The following ROBO2 variants were observed in gnomAD, a reference collection of about 807,000 sequenced individuals.
The protein encoded by ROBO2 is roundabout guidance receptor 2.
A neutral mutation model predicts 160.8 loss-of-function variants in ROBO2; 53 were observed. The ratio of observed to expected loss-of-function variants is 0.33; its 90% confidence interval spans 0.26 to 0.41. ROBO2 has a LOEUF of 0.41. ROBO2 is among the 10% of genes least tolerant of loss of function. The pLI is 1.00. For missense variants in ROBO2, 1,577 were observed against 1,722.4 expected (o/e 0.92, Z 1.49); for synonymous variants, 664 against 611.7 (o/e 1.09, Z -1.26).
chr3:77,561,500 A>G (rs1478649709), intron 9 of ROBO2, among the ~76,000 whole-genome samples: 1 of 152,172 alleles, frequency 6.6e-6, no homozygotes, highest in Non-Finnish European at 1.5e-5. Context: ...ATATAATCAC[A>G]GAATCTTCTG....
intron 2 of ROBO2, among the ~76,000 whole-genome samples, chr3:76,536,427 C>G (rs2082505116): frequency 6.6e-6 from 1 of 152,126 alleles, no homozygotes; most frequent in Admixed American, 6.5e-5. Context: ...GGGTTTAGGG[C>G]TGAAAAGTGT....
At chr3:76,194,139 C>G (rs556821599) in intron 2 of ROBO2, among the ~76,000 whole-genome samples, 3 of 151,660 alleles carry the variant, frequency 2.0e-5, no homozygotes, top group African/African-American at 7.2e-5. Flanking sequence ...TTTAATTCTA[C>G]ATTTATTTTA....
intron 2 of ROBO2, among the ~76,000 whole-genome samples, chr3:77,200,306 TATATATATATATA>T (rs2082760342): frequency 2.4e-5 from 2 of 84,476 alleles, no homozygotes; most frequent in Non-Finnish European, 2.2e-5. Flanking sequence ...TATATATATA[TATATATATATATA>T]TATTTTAGTT....
intron 2 of ROBO2, among the ~76,000 whole-genome samples, chr3:77,031,393 T>C (rs1322933263): frequency 6.7e-6 from 1 of 149,980 alleles, no homozygotes; most frequent in African/African-American, 2.4e-5. Flanking sequence ...TCCTTTTTTA[T>C]ATATAATTAC....
intron 2 of ROBO2, among the ~76,000 whole-genome samples, chr3:77,330,691 A>G (rs984360291): frequency 2.6e-5 from 4 of 152,176 alleles, no homozygotes; most frequent in African/African-American, 4.8e-5. Context: ...GGACAACTCA[A>G]GAAAGAAAAC....
intron 2 of ROBO2, among the ~76,000 whole-genome samples, chr3:76,944,194 AAAC>A (rs1314195720): frequency 6.6e-6 from 1 of 152,190 alleles, no homozygotes; most frequent in Non-Finnish European, 1.5e-5. Flanking sequence ...TCATTGAAAA[AAAC>A]AACACTTTTT....
rs1019162783 is a variant in ROBO2 at position 76,036,236 on chromosome 3, G to A, written c.109+98634G>A. Among the ~76,000 whole-genome samples the A allele has an allele frequency of 6.3e-4, 96 of 151,910 alleles. 1 individual carries two copies. The highest frequency in any genetic ancestry group is 2.2e-3 in the African/African-American group (89 of 41,312). ...GTGATCTCAGCTCACTGCAACCGCC[G>A]CCTCCCGGGTTCAAGTGATTCTCCT... On this transcript the variant is annotated intron_variant, in intron 2 of 26. Transcript: ENST00000487694.
rs533495661 is a variant in ROBO2 at position 76,926,939 on chromosome 3, G to GA, written c.110-171068dup. Among the ~76,000 whole-genome samples the GA allele has an allele frequency of 3.1e-4, 47 of 151,296 alleles. 1 individual carries two copies. The highest frequency in any genetic ancestry group is 1.2e-3 in the East Asian group (6 of 5,160). On this transcript the variant is annotated intron_variant, in intron 2 of 26. Transcript: ENST00000487694. ...CAAAGCCTAGCAGCAAATAATGGTG[G>GA]AAAAAAATTGTTTGTTATCCTAAAT...
At chr3:77,155,807 C>G (rs774981285) in intron 2 of ROBO2, among the ~76,000 whole-genome samples, 3 of 152,028 alleles carry the variant, frequency 2.0e-5, no homozygotes, top group Non-Finnish European at 4.4e-5. Flanking sequence ...CACTTCATGT[C>G]GTTAACTATT....
intron 2 of ROBO2, among the ~76,000 whole-genome samples, chr3:76,921,319 A>G (rs559401305): frequency 2.0e-5 from 3 of 152,218 alleles, no homozygotes; most frequent in South Asian, 2.1e-4. Context: ...ATTATAAGGT[A>G]TCTAATTTTT....
chr3:76,389,556 T>C (rs367939930), intron 2 of ROBO2, among the ~76,000 whole-genome samples: 1 of 152,216 alleles, frequency 6.6e-6, no homozygotes, highest in South Asian at 2.1e-4. Context: ...GCATGTGCAC[T>C]CTTCAGCCTA....
At chr3:77,497,672 G>A (rs966699945) in intron 5 of ROBO2, among the ~76,000 whole-genome samples, 18 of 152,000 alleles carry the variant, frequency 1.2e-4, no homozygotes, top group African/African-American at 3.9e-4. Flanking sequence ...TATTAGTACT[G>A]TCTTGATAGA....
intron 2 of ROBO2, among the ~76,000 whole-genome samples, chr3:76,768,255 C>T (rs995510829): frequency 2.0e-5 from 3 of 151,284 alleles, no homozygotes; most frequent in African/African-American, 7.3e-5. Flanking sequence ...ACACAGTGCA[C>T]ACTTCTTTAC....
chr3:76,568,211 C>T (rs1203644759), intron 2 of ROBO2, among the ~76,000 whole-genome samples: 2 of 151,980 alleles, frequency 1.3e-5, no homozygotes, highest in East Asian at 1.9e-4. Flanking sequence ...TCACTTTCAT[C>T]GACATCTATT....
chr3:76,279,766 C>A (rs1205732543), intron 2 of ROBO2, among the ~76,000 whole-genome samples: 3 of 151,852 alleles, frequency 2.0e-5, no homozygotes, highest in Non-Finnish European at 4.4e-5. Flanking sequence ...CATAACGTAA[C>A]ACATAACATA....
At chr3:76,100,630 A>G (rs2069645227) in intron 2 of ROBO2, among the ~76,000 whole-genome samples, 2 of 152,232 alleles carry the variant, frequency 1.3e-5, no homozygotes, top group Non-Finnish European at 2.9e-5. Context: ...AAAAGGAAAA[A>G]GATGATCCTG....
At chr3:77,541,086 A>T (rs894675280) in intron 6 of ROBO2, among the ~76,000 whole-genome samples, 1 of 152,232 alleles carries the variant, frequency 6.6e-6, no homozygotes, top group Non-Finnish European at 1.5e-5. Flanking sequence ...AATGGCAATT[A>T]TAGAATTAAA....
At chr3:77,589,519 A>T (rs546195870) in intron 17 of ROBO2, among the ~76,000 whole-genome samples, 2 of 152,236 alleles carry the variant, frequency 1.3e-5, no homozygotes, top group South Asian at 4.1e-4. Context: ...TTAAAAGAAA[A>T]GGAAAACGAA....
At chr3:76,033,318 A>G (rs926023461) in intron 2 of ROBO2, among the ~76,000 whole-genome samples, 1 of 152,182 alleles carries the variant, frequency 6.6e-6, no homozygotes, top group Non-Finnish European at 1.5e-5. Context: ...ACACACAGAC[A>G]TATCACCGAC....
Sources: allele counts gnomAD v4.1 joint callset (sites outside exome capture counted in the v4.1 genomes callset), GRCh38; gene constraint gnomAD v4.1.1; transcripts MANE v1.5; gene names NCBI Gene and HGNC (gene_info 2026-07-23, HGNC 2026-07-21).